GRWD1: variants seen among roughly 807,000 people sequenced by gnomAD.
GRWD1 encodes glutamate rich WD repeat containing 1.
Under a neutral mutation model 45.3 loss-of-function variants are expected in GRWD1, and 29 were observed. The observed-to-expected ratio is 0.64, with a 90% CI of 0.48 to 0.87. The LOEUF is 0.87. Ranked by LOEUF, GRWD1 falls within the 40% of genes least tolerant of loss-of-function variation. The probability of loss-of-function intolerance (pLI) is 0.00; values close to 1 mark genes in which losing one functional copy is unlikely to be tolerated. For synonymous variants in GRWD1, 262 were observed against 257.6 expected, an observed-to-expected ratio of 1.02 and a Z score of -0.16; for missense variants, 592 against 618.8, an observed-to-expected ratio of 0.96 and a Z score of 0.46.
intron 6 of GRWD1, among the ~76,000 whole-genome samples, chr19:48,451,835 A>C (rs1199560399): frequency 6.6e-6 from 1 of 152,098 alleles, no homozygotes; most frequent in Non-Finnish European, 1.5e-5. Context: ...AGCCCTGGGG[A>C]GGAGGCTGGA....
At chr19:48,447,374 C>T (rs1361249034) in intron 3 of GRWD1, among the ~76,000 whole-genome samples, 1 of 152,074 alleles carries the variant, frequency 6.6e-6, no homozygotes, top group African/African-American at 2.4e-5. Context: ...AGCCAAGTAG[C>T]TGAGATTACA....
Position 48,453,544 on chromosome 19 carries a change from G to C in GRWD1, c.*519G>C, listed in dbSNP as rs374474996. On this transcript the variant is annotated 3_prime_UTR_variant, in exon 7 of 7. Coordinates refer to ENST00000253237, the MANE Select transcript of GRWD1 (RefSeq NM_031485.4). ...GTAGAGACGGGGTTTCACCATGTTG[G>C]CCAGGCTGGTCTCAAATTCTTGATC... The C allele has an allele frequency of 6.5e-6, 1 of 152,762 alleles. No individual in the cohort carries two copies. The highest frequency in any genetic ancestry group is 2.1e-4 in the South Asian group (1 of 4,854). 9.5% of individuals were successfully genotyped at this position (152,762 alleles called of 1,614,324 possible). A position where few individuals can be genotyped will look rare whatever the true frequency, so the allele number is the denominator to read the frequency against.
chr19:48,452,614 C>T lies in GRWD1; in HGVS notation c.1024-94C>T, dbSNP rs909535325. On this transcript the variant is annotated intron_variant, in intron 6 of 6. Coordinates refer to ENST00000253237, the MANE Select transcript of GRWD1 (RefSeq NM_031485.4). This position sits in a 1 kb window ranked among gnomAD's most constrained non-coding sequence, Gnocchi z 5.1. ...TAAGGGGTGGGGCCCTGGCTGAACC[C>T]TGAGGCTGGAGAAGGGTTGGGGCTT... 9 of 1,112,720 alleles carry T rather than the reference C, an allele frequency of 8.1e-6. No individual in the cohort carries two copies. Among genetic ancestry groups the T allele is most frequent in the Non-Finnish European group, 1.2e-5 (9 of 770,350 alleles). The allele number at this position is 1,112,720 out of a possible 1,614,324, so 68.9% of individuals were successfully genotyped here. A position where few individuals can be genotyped will look rare whatever the true frequency, so the allele number is the denominator to read the frequency against.
In GRWD1 at chr19:48,456,991, CTTTTT is replaced by C; in HGVS notation, c.*3978_*3982del. 7.1e-6 allele frequency: 1 copy of C among 140,070 alleles called. No homozygotes were observed. Among genetic ancestry groups the C allele is most frequent in the Non-Finnish European group, 1.6e-5 (1 of 64,314 alleles). The allele number at this position is 140,070 out of a possible 1,614,324, so 8.7% of individuals were successfully genotyped here. A position where few individuals can be genotyped will look rare whatever the true frequency, so the allele number is the denominator to read the frequency against. On this transcript the variant is annotated 3_prime_UTR_variant, in exon 7 of 7. Coordinates refer to ENST00000253237, the MANE Select transcript of GRWD1 (RefSeq NM_031485.4). Reference sequence around the variant, plus strand: ...AGGTGTGAGCCACCGCACCTGCCCTCTTTTTTTTTTTTTTTTCTTTAAGAGATAGG... The same window carrying C: ...AGGTGTGAGCCACCGCACCTGCCCTCTTTTTTTTTTTCTTTAAGAGATAGG...
At chr19:48,446,355 T>A in intron 1 of GRWD1, 30 bp from the exon 2 acceptor site, 3 of 1,605,968 alleles carry the variant, frequency 1.9e-6, no homozygotes, top group Non-Finnish European at 2.6e-6. Context: ...TGTCCCGTCT[T>A]AACTCGTAAA....
In GRWD1 at chr19:48,454,381, C is replaced by T. The variant is rs141411653; in HGVS notation, c.*1356C>T. ...CGCTCTGCCTGGCTGGCCTCCCTGG[C>T]TCCCCCTCTGCGGCTCTGAGCTAGC... On this transcript the variant is annotated 3_prime_UTR_variant, in exon 7 of 7. Transcript: ENST00000253237. The T allele has an allele frequency of 0.029, 4,478 of 152,764 alleles. 78 individuals carry two copies. Among genetic ancestry groups the T allele is most frequent in the Middle Eastern group, 0.083 (25 of 302 alleles). 9.5% of individuals were successfully genotyped at this position (152,764 alleles called of 1,614,324 possible). A position where few individuals can be genotyped will look rare whatever the true frequency, so the allele number is the denominator to read the frequency against.
rs1971487790 is a variant in GRWD1 at position 48,452,573 on chromosome 19, T to C, written c.1024-135T>C. On this transcript the variant is annotated intron_variant, in intron 6 of 6. Transcript: ENST00000253237. The surrounding 1 kb of genome is among the most constrained non-coding windows in gnomAD (Gnocchi z 5.1). The stretch of plus-strand genomic sequence containing the variant: ...TACCCTGTGTCCCTTTCCTGGACTC[T>C]GGGCTTGTGAGGGCTTAAGGGGTGG... The C allele has an allele frequency of 1.4e-6, 1 of 719,088 alleles. No individual in the cohort carries two copies. Among genetic ancestry groups the C allele is most frequent in the African/African-American group, 1.8e-5 (1 of 56,112 alleles). The allele number at this position is 719,088 out of a possible 1,614,324, so 44.5% of individuals were successfully genotyped here.
At position 48,452,208 on chromosome 19, in the gene GRWD1, T is replaced by C. The variant is rs1971483142; in HGVS notation, c.1024-500T>C. ...TCCCGCTCCTGGGTTCAAGCGATTC[T>C]CCTGCCTCAGCCTCCTGAGTAACTG... On this transcript the variant is annotated intron_variant, in intron 6 of 6. Coordinates refer to ENST00000253237, the MANE Select transcript of GRWD1 (RefSeq NM_031485.4). The surrounding 1 kb of genome is among the most constrained non-coding windows in gnomAD (Gnocchi z 5.1). Among the ~76,000 whole-genome samples, 1 of 151,878 alleles carries C rather than the reference T, an allele frequency of 6.6e-6. No individual in the cohort carries two copies. Among genetic ancestry groups the C allele is most frequent in the Non-Finnish European group, 1.5e-5 (1 of 67,982 alleles).
At position 48,452,401 on chromosome 19, in the gene GRWD1, G is replaced by GC. The variant is rs1971485555; in HGVS notation, c.1024-304dup. On this transcript the variant is annotated intron_variant, in intron 6 of 6. Coordinates refer to ENST00000253237, the MANE Select transcript of GRWD1 (RefSeq NM_031485.4). The surrounding 1 kb of genome is among the most constrained non-coding windows in gnomAD (Gnocchi z 5.1). ...TCGTGAGCCACCGCACCCAGCCCAT[G>GC]CCCTCCTTTTACAAGGAAGAAAACA... is the stretch of plus-strand genomic sequence containing the variant. 6.6e-6 allele frequency among the ~76,000 whole-genome samples: 1 copy of GC among 152,090 alleles called. No individual in the cohort carries two copies. The highest frequency in any genetic ancestry group is 1.5e-5 in the Non-Finnish European group (1 of 67,996).
chr19:48,448,479 G>C (rs575811859), intron 3 of GRWD1, among the ~76,000 whole-genome samples: 2 of 152,278 alleles, frequency 1.3e-5, no homozygotes, highest in East Asian at 3.9e-4. Context: ...GTGGGGGAAG[G>C]GAACGAGATG....
intron 6 of GRWD1, 55 bp downstream of exon 6, chr19:48,451,286 T>C (rs1438060801): frequency 5.5e-6 from 8 of 1,459,088 alleles, no homozygotes; most frequent in Non-Finnish European, 7.4e-6. Context: ...CAGCAGCCCC[T>C]GGGATTTGTA....
In GRWD1 at chr19:48,452,802, G is replaced by C. The variant is rs772729812; in HGVS notation, c.1118G>C (p.Gly373Ala). The change falls in exon 7 of 7, where the codon GGT becomes GCT. Residue 373 changes from glycine to alanine, a missense_variant. Coordinates refer to ENST00000253237, the MANE Select transcript of GRWD1 (RefSeq NM_031485.4). The surrounding 1 kb of genome is among the most constrained non-coding windows in gnomAD (Gnocchi z 5.1). ...GACAGCGGGGTCTTTGCAGCCTCGG[G>C]TGCAGACCACCAGATCACACAGTGG... ...PQDSGVFAAS[G>A]ADHQITQWDL... The C allele has an allele frequency of 1.9e-6, 3 of 1,613,028 alleles. No individual in the cohort carries two copies. Among genetic ancestry groups the C allele is most frequent in the Non-Finnish European group, 2.5e-6 (3 of 1,179,154 alleles).
intron 3 of GRWD1, 54 bp downstream of exon 3, chr19:48,446,897 TC>T: frequency 7.0e-7 from 1 of 1,422,000 alleles, no homozygotes; most frequent in Non-Finnish European, 9.5e-7. Flanking sequence ...ATCTGACCCA[TC>T]CCCTGTGTCC....
intron 3 of GRWD1, among the ~76,000 whole-genome samples, chr19:48,449,240 C>A (rs894913657): frequency 1.3e-5 from 2 of 152,104 alleles, no homozygotes; most frequent in Non-Finnish European, 2.9e-5. Flanking sequence ...ATTACAGCCA[C>A]CCACCAGCAC....
In GRWD1 at chr19:48,450,284, A is replaced by T. The variant is rs1218153614; in HGVS notation, c.469-29A>T. On this transcript the variant is annotated intron_variant, in intron 3 of 6. Coordinates refer to ENST00000253237, the MANE Select transcript of GRWD1 (RefSeq NM_031485.4). This position sits in a 1 kb window ranked among gnomAD's most constrained non-coding sequence, Gnocchi z 5.1. ...TGATCCTCCTCTCCCCTCGCTTCAC[A>T]TCACCCTTCCCCCACCGCTCTTCTG... 1.3e-6 allele frequency: 2 copies of T among 1,579,590 alleles called. No individual in the cohort carries two copies. The highest frequency in any genetic ancestry group is 1.8e-5 in the Admixed American group (1 of 56,324).
Position 48,446,087 on chromosome 19 carries a change from G to A in GRWD1, c.82G>A (p.Gly28Ser), listed in dbSNP as rs750432167. ...CGAGTCCGGCGACACAAGTTCCGAG[G>A]GCCCGGCCCAGGTCTACCTGCCCGG... Reference protein sequence around the residue: ...EAESGDTSSEGPAQVYLPGRG... With the variant: ...EAESGDTSSESPAQVYLPGRG... The change falls in exon 1 of 7, where the codon GGC (glycine) becomes AGC (serine). Residue 28 changes from glycine (G) to serine (S), a missense_variant. Physicochemically the swap from Gly to Ser is moderately conservative, Grantham distance 56. Transcript: ENST00000253237. 3.1e-6 allele frequency: 5 copies of A among 1,596,198 alleles called. No homozygotes were observed. In the East Asian group the frequency reaches 1.1e-4, roughly 36 times the overall value.
Position 48,456,585 on chromosome 19 carries a change from C to G in GRWD1, c.*3560C>G, listed in dbSNP as rs1032917829. 1 of 152,252 alleles carries G rather than the reference C, an allele frequency of 6.6e-6. No individual in the cohort carries two copies. The highest frequency in any genetic ancestry group is 2.1e-4 in the South Asian group (1 of 4,828). 9.4% of individuals were successfully genotyped at this position (152,252 alleles called of 1,614,324 possible). On this transcript the variant is annotated 3_prime_UTR_variant, in exon 7 of 7. Transcript: ENST00000253237. Reference sequence around the variant, plus strand: ...AAACTTGACATTGTCTCATGGTCTTCTTTCCAAATGGAGTGTGCCAGGCCC... The same window carrying G: ...AAACTTGACATTGTCTCATGGTCTTGTTTCCAAATGGAGTGTGCCAGGCCC...
Position 48,453,160 on chromosome 19 carries a change from G to T in GRWD1, c.*135G>T. ...GCTGCCGTGATGGATTCTGTTTGAC[G>T]TATTGTTCTCTAGAAGGCCTGGCTC... On this transcript the variant is annotated 3_prime_UTR_variant, in exon 7 of 7. Transcript: ENST00000253237. The T allele has an allele frequency of 1.3e-6, 1 of 758,586 alleles. No individual in the cohort carries two copies. The allele number at this position is 758,586 out of a possible 1,614,324, so 47.0% of individuals were successfully genotyped here. A position where few individuals can be genotyped will look rare whatever the true frequency, so the allele number is the denominator to read the frequency against.
chr19:48,446,017 C>T lies in GRWD1; in HGVS notation c.12C>T (p.Arg4=). The change falls in exon 1 of 7, where the codon CGC becomes CGT. Residue 4 remains arginine (R), a synonymous_variant. Coordinates refer to ENST00000253237, the MANE Select transcript of GRWD1 (RefSeq NM_031485.4). The part of the protein sequence containing the change: MAA[R]KGRRRTCETG... The stretch of plus-strand genomic sequence containing the variant: ...GAGAGGGTTCGAAGATGGCGGCGCG[C>T]AAGGGTCGGCGGCGCACGTGTGAAA... 1 of 1,587,714 alleles carries T rather than the reference C, an allele frequency of 6.3e-7. No individual in the cohort carries two copies. Among genetic ancestry groups the T allele is most frequent in the Non-Finnish European group, 8.6e-7 (1 of 1,168,680 alleles).
Sources: gnomAD v4.1 joint callset for allele counts (sites outside exome capture counted in the v4.1 genomes callset) on GRCh38, gnomAD v4.1.1 for gene constraint, Gnocchi (gnomAD v3.1) non-coding constraint, MANE v1.5 for transcripts, NCBI Gene and HGNC (gene_info 2026-07-23, HGNC 2026-07-21) for gene names.